Variants in NOTCH4 observed in about 807,000 individuals in gnomAD.
The protein encoded by NOTCH4 is neurogenic locus notch homolog protein 4.
In NOTCH4, 138 loss-of-function variants were observed where a neutral mutation model predicts 189.0. That is an observed-to-expected ratio of 0.73 (90% CI 0.64 to 0.84). The LOEUF (loss-of-function observed/expected upper bound fraction) is 0.84. Ranked by LOEUF, NOTCH4 falls within the 40% of genes least tolerant of loss-of-function variation. NOTCH4 has a pLI of 0.00. For synonymous variants in NOTCH4, 942 were observed against 1,032.8 expected, an observed-to-expected ratio of 0.91 and a Z score of 1.69; for missense variants, 2,286 against 2,605.4, an observed-to-expected ratio of 0.88 and a Z score of 2.67.
chr6:32,202,020 C>T lies in NOTCH4; in HGVS notation c.3755+56G>A. 7.1e-7 allele frequency: 1 copy of T among 1,408,984 alleles called. No homozygotes were observed. 87.3% of individuals were successfully genotyped at this position (1,408,984 alleles called of 1,614,324 possible). ...GTAACTCAGAGCCATCTACGTCCTT[C>T]CTCCTCCTCTCACCCACCCCTCTCC... On this transcript the variant is annotated intron_variant, in intron 21 of 29. Transcript: ENST00000375023. This position sits in a 1 kb window ranked among gnomAD's most constrained non-coding sequence, Gnocchi z 5.7.
In NOTCH4 at chr6:32,198,595, TG is replaced by T; in HGVS notation, c.4618-37del. The T allele has an allele frequency of 6.2e-7, 1 of 1,611,330 alleles. No individual in the cohort carries two copies. The highest frequency in any genetic ancestry group is 8.5e-7 in the Non-Finnish European group (1 of 1,178,880). ...CAGCAAGGATCAGTGAAGGTTGATT[TG>T]CCCTTTCATCCCTTCCATCACCTCC... On this transcript the variant is annotated intron_variant, in intron 25 of 29. Transcript: ENST00000375023. This position sits in a 1 kb window ranked among gnomAD's most constrained non-coding sequence, Gnocchi z 5.5.
At chr6:32,213,412 G>C (rs1336634604) in intron 14 of NOTCH4, among the ~76,000 whole-genome samples, 160 bp from the exon 15 acceptor site, 1 of 151,572 alleles carries the variant, frequency 6.6e-6, no homozygotes. Flanking sequence ...ATTGTTTTTA[G>C]ATAGGGTCTT....
In NOTCH4 at chr6:32,202,182, G is replaced by A. The variant is rs1205156643; in HGVS notation, c.3649C>T (p.His1217Tyr). The A allele has an allele frequency of 2.6e-6, 4 of 1,525,336 alleles. No individual in the cohort carries two copies. The highest frequency in any genetic ancestry group is 3.5e-6 in the Non-Finnish European group (4 of 1,136,640). 94.5% of individuals were successfully genotyped at this position (1,525,336 alleles called of 1,614,324 possible). A position where few individuals can be genotyped will look rare whatever the true frequency, so the allele number is the denominator to read the frequency against. Residue 1217 changes from histidine (H) to tyrosine (Y), a missense_variant, in exon 21 of 30, where the codon CAC becomes TAC. Physicochemically the swap from His to Tyr is moderately conservative, Grantham distance 83. Around this residue, in one of 2 missense-constraint regions of NOTCH4, gnomAD observed 1,903 missense variants for 2,261.9 expected, o/e 0.84. Transcript: ENST00000375023. This position sits in a 1 kb window ranked among gnomAD's most constrained non-coding sequence, Gnocchi z 5.7. ...CGGAAGAGAAGCCAGCACCGAGAGTGGGAGGGGCAGCCCTTCCAGGGGTCT... is the reference window on the plus strand; with the variant it reads ...CGGAAGAGAAGCCAGCACCGAGAGTAGGAGGGGCAGCCCTTCCAGGGGTCT... ...VPDPWKGCPSHSRCWLLFRDG... is the reference protein window; with the variant it reads ...VPDPWKGCPSYSRCWLLFRDG...
Position 32,200,859 on chromosome 6 carries a change from C to T in NOTCH4, c.4287G>A (p.Leu1429=). Residue 1429 remains leucine, a synonymous_variant, in exon 23 of 30, where the codon CTG becomes CTA. Coordinates refer to ENST00000375023, the MANE Select transcript of NOTCH4 (RefSeq NM_004557.4). The surrounding 1 kb of genome is among the most constrained non-coding windows in gnomAD (Gnocchi z 5.0). ...GALEPLLPGP[L]LAVHPHAGTA... ...TCCCTGCATGAGGGTGGACAGCCAG[C>T]AGTGGTCCAGGCAGCAGGGGCTCCA... 2 of 1,607,870 alleles carry T rather than the reference C, an allele frequency of 1.2e-6. No homozygotes were observed. Among genetic ancestry groups the T allele is most frequent in the Non-Finnish European group, 1.7e-6 (2 of 1,177,712 alleles).
Position 32,212,699 on chromosome 6 carries a change from C to T in NOTCH4, c.2527-72G>A, listed in dbSNP as rs1789102144. ...CAGCCCAGAGATGGTCCTCTGCCCA[C>T]TCCAGCTCCTCGAAATCCCTTACTT... On this transcript the variant is annotated intron_variant, in intron 16 of 29. Coordinates refer to ENST00000375023, the MANE Select transcript of NOTCH4 (RefSeq NM_004557.4). This position sits in a 1 kb window ranked among gnomAD's most constrained non-coding sequence, Gnocchi z 4.4. 1 of 1,527,022 alleles carries T rather than the reference C, an allele frequency of 6.5e-7. No individual in the cohort carries two copies. The highest frequency in any genetic ancestry group is 2.3e-5 in the East Asian group (1 of 44,160). 94.6% of individuals were successfully genotyped at this position (1,527,022 alleles called of 1,614,324 possible).
rs17201763 is a variant in NOTCH4, at chr6:32,217,469, T to G, written c.1625-203A>C. Among the ~76,000 whole-genome samples the G allele has an allele frequency of 0.03, 4,527 of 152,258 alleles. 101 individuals are homozygous for G. Among genetic ancestry groups the G allele is most frequent in the Non-Finnish European group, 0.043 (2,944 of 68,000 alleles). ...AGCTGTGTGACTTTGGGCAAGCTGG[T>G]CAACCCTCTAGGCCCCAGTTTCCTG... On this transcript the variant is annotated intron_variant, in intron 9 of 29. Coordinates refer to ENST00000375023, the MANE Select transcript of NOTCH4 (RefSeq NM_004557.4). This position sits in a 1 kb window ranked among gnomAD's most constrained non-coding sequence, Gnocchi z 4.2.
intron 18 of NOTCH4, among the ~76,000 whole-genome samples, chr6:32,206,251 A>C (rs1788673545): frequency 6.6e-6 from 1 of 152,132 alleles, no homozygotes; most frequent in Non-Finnish European, 1.5e-5. Context: ...AGGGCATCCA[A>C]ATTGCAAAAG....
At chr6:32,207,773 A>G (rs1362827027) in intron 18 of NOTCH4, among the ~76,000 whole-genome samples, 2 of 151,988 alleles carry the variant, frequency 1.3e-5, no homozygotes, top group Non-Finnish European at 2.9e-5. Context: ...TCACACCTGT[A>G]ATCCTCAAAC....
chr6:32,204,234 C>T lies in NOTCH4; in HGVS notation c.3021G>A (p.Val1007=), dbSNP rs763516203. The change falls in exon 19 of 30, where the codon GTG becomes GTA. Residue 1007 remains valine (V), a synonymous_variant. Transcript: ENST00000375023. The part of the protein sequence containing the change: ...GFVGLRCEGD[V]DECLDQPCHP... The stretch of plus-strand genomic sequence containing the variant: ...GGCAGGGCTGGTCCAGACACTCGTC[C>T]ACGTCTCCCTCACAGCGTAGCCCCA... 1.2e-6 allele frequency: 2 copies of T among 1,613,022 alleles called. No individual in the cohort carries two copies. Among genetic ancestry groups the T allele is most frequent in the Non-Finnish European group, 1.7e-6 (2 of 1,180,024 alleles).
chr6:32,202,661 A>G lies in NOTCH4; in HGVS notation c.3232-62T>C, dbSNP rs1166105321. 2.7e-6 allele frequency: 4 copies of G among 1,462,404 alleles called. No individual in the cohort carries two copies. The highest frequency in any genetic ancestry group is 9.1e-7 in the Non-Finnish European group (1 of 1,095,354). The allele number at this position is 1,462,404 out of a possible 1,614,324, so 90.6% of individuals were successfully genotyped here. A position where few individuals can be genotyped will look rare whatever the true frequency, so the allele number is the denominator to read the frequency against. ...GCATTATTCTTCCCGCTCTCCATCA[A>G]GCAAACTCTTGGGTTAAGACGGTGC... On this transcript the variant is annotated intron_variant, in intron 20 of 29. Coordinates refer to ENST00000375023, the MANE Select transcript of NOTCH4 (RefSeq NM_004557.4). The surrounding 1 kb of genome is among the most constrained non-coding windows in gnomAD (Gnocchi z 5.7).
Position 32,222,609 on chromosome 6 carries a change from A to G in NOTCH4, c.353T>C (p.Leu118Pro), listed in dbSNP as rs1364911372. The G allele has an allele frequency of 6.2e-7, 1 of 1,603,256 alleles. No individual in the cohort carries two copies. Among genetic ancestry groups the G allele is most frequent in the Non-Finnish European group, 8.5e-7 (1 of 1,176,778 alleles). ...GFTGERCQAKLEDPCPPSFCS... is the reference protein window; with the variant it reads ...GFTGERCQAKPEDPCPPSFCS... ...GAAGGAGGGAGGACAAGGGTCTTCA[A>G]GCTTGGCCTGGCATCTCTCACCAGT... Residue 118 changes from leucine (L) to proline (P), a missense_variant, in exon 3 of 30, where the codon CTT (leucine) becomes CCT (proline). This residue lies in a region of NOTCH4 where 1,903 missense variants were observed against 2,261.9 expected (regional missense o/e 0.84). Coordinates refer to ENST00000375023, the MANE Select transcript of NOTCH4 (RefSeq NM_004557.4).
chr6:32,203,870 T>A lies in NOTCH4; in HGVS notation c.3131A>T (p.Glu1044Val). Residue 1044 changes from glutamate to valine, a missense_variant, in exon 20 of 30, where the codon GAG becomes GTG. Coordinates refer to ENST00000375023, the MANE Select transcript of NOTCH4 (RefSeq NM_004557.4). ...GCTGTGGCAGGGGTCTATCTCCACC[T>A]CACACCACTGGCCTGTAATTATGGG... Reference protein sequence around the residue: ...CLPGHTGQWCEVEIDPCHSQP... With the variant: ...CLPGHTGQWCVVEIDPCHSQP... 6.4e-7 allele frequency: 1 copy of A among 1,556,100 alleles called. No homozygotes were observed. The highest frequency in any genetic ancestry group is 1.2e-5 in the South Asian group (1 of 84,476).
rs756922690 is a variant in NOTCH4 at position 32,221,230 on chromosome 6, G to A, written c.547C>T (p.Pro183Ser). The change falls in exon 4 of 30, where the codon CCA becomes TCA. Residue 183 changes from proline (P) to serine (S), a missense_variant. Physicochemically the swap from Pro to Ser is moderately conservative, Grantham distance 74 (BLOSUM62 -1). Coordinates refer to ENST00000375023, the MANE Select transcript of NOTCH4 (RefSeq NM_004557.4). This position sits in a 1 kb window ranked among gnomAD's most constrained non-coding sequence, Gnocchi z 4.3. ...ATYPQIQCHC[P>S]PGFEGHACER... The stretch of plus-strand genomic sequence containing the variant: ...CAGGCATGGCCCTCGAAGCCCGGTG[G>A]GCAGTGGCACTGGATCTGGGGGTAT... 6.2e-7 allele frequency: 1 copy of A among 1,613,124 alleles called. No homozygotes were observed. The highest frequency in any genetic ancestry group is 1.1e-5 in the South Asian group (1 of 91,084).
Position 32,210,801 on chromosome 6 carries a change from C to T in NOTCH4, c.2816G>A (p.Cys939Tyr). 1 of 1,613,034 alleles carries T rather than the reference C, an allele frequency of 6.2e-7. No homozygotes were observed. Among genetic ancestry groups the T allele is most frequent in the Non-Finnish European group, 8.5e-7 (1 of 1,180,034 alleles). ...DHVNPCESRPCQNGATCMAQP... is the reference protein window; with the variant it reads ...DHVNPCESRPYQNGATCMAQP... ...GGCCATGCAGGTGGCCCCGTTCTGG[C>T]AAGGCCTGGACTCACATGGGTTCAC... The change falls in exon 18 of 30, where the codon TGC becomes TAC. Residue 939 changes from cysteine to tyrosine, a missense_variant. Transcript: ENST00000375023. This position sits in a 1 kb window ranked among gnomAD's most constrained non-coding sequence, Gnocchi z 4.8.
rs1180095118 is a variant in NOTCH4, at chr6:32,210,959, A to T, written c.2681-23T>A. The T allele has an allele frequency of 6.5e-7, 1 of 1,548,050 alleles. No homozygotes were observed. The highest frequency in any genetic ancestry group is 1.3e-5 in the South Asian group (1 of 79,908). ...TGCCTGGGGAGAGAGACAAACAGGG[A>T]TATACAAAGATAAGTGGGGGGCCGG... On this transcript the variant is annotated intron_variant, in intron 17 of 29. Transcript: ENST00000375023. This position sits in a 1 kb window ranked among gnomAD's most constrained non-coding sequence, Gnocchi z 4.8.
At position 32,221,290 on chromosome 6, in the gene NOTCH4, T is replaced by G; in HGVS notation, c.487A>C (p.Asn163His). 6.2e-7 allele frequency: 1 copy of G among 1,612,990 alleles called. No individual in the cohort carries two copies. Residue 163 changes from asparagine (N) to histidine (H), a missense_variant, in exon 4 of 30, where the codon AAC becomes CAC. Around this residue, in one of 2 missense-constraint regions of NOTCH4, gnomAD observed 1,903 missense variants for 2,261.9 expected, o/e 0.84. Coordinates refer to ENST00000375023, the MANE Select transcript of NOTCH4 (RefSeq NM_004557.4). This position sits in a 1 kb window ranked among gnomAD's most constrained non-coding sequence, Gnocchi z 4.3. ...CACACCCCTCCATTAACACATGGGT[T>G]GGCTGAACAGAAGTCCCGAAGCTGG... ...QCQLRDFCSA[N>H]PCVNGGVCLA... is the part of the protein sequence containing the mutation.
rs909025773 is a variant in NOTCH4, at chr6:32,217,931, G to A, written c.1624+64C>T. 2.8e-6 allele frequency: 3 copies of A among 1,084,464 alleles called. No homozygotes were observed. Among genetic ancestry groups the A allele is most frequent in the African/African-American group, 3.1e-5 (2 of 64,626 alleles). 67.2% of individuals were successfully genotyped at this position (1,084,464 alleles called of 1,614,324 possible). On this transcript the variant is annotated intron_variant, in intron 9 of 29. Coordinates refer to ENST00000375023, the MANE Select transcript of NOTCH4 (RefSeq NM_004557.4). This position sits in a 1 kb window ranked among gnomAD's most constrained non-coding sequence, Gnocchi z 4.2. ...TCAAGTGGCCTTGGGTGATTGCTGA[G>A]CCTGAACTCTGCAGGTTCAGAGGCC...
At position 32,202,900 on chromosome 6, in the gene NOTCH4, A is replaced by G. The variant is rs933126246; in HGVS notation, c.3232-301T>C. On this transcript the variant is annotated intron_variant, in intron 20 of 29. Transcript: ENST00000375023. This position sits in a 1 kb window ranked among gnomAD's most constrained non-coding sequence, Gnocchi z 5.7. Reference sequence around the variant, plus strand: ...ACTAAACAGTTAATAGAATGCTATTATATTATTATTATTATTATTTTTGAG... The same window carrying G: ...ACTAAACAGTTAATAGAATGCTATTGTATTATTATTATTATTATTTTTGAG... 1 of 277,676 alleles carries G rather than the reference A, an allele frequency of 3.6e-6. No homozygotes were observed. The highest frequency in any genetic ancestry group is 2.2e-5 in the African/African-American group (1 of 45,764). 17.2% of individuals were successfully genotyped at this position (277,676 alleles called of 1,614,324 possible).
chr6:32,222,782 C>A lies in NOTCH4; in HGVS notation c.180G>T (p.Glu60Asp), dbSNP rs1327311752. The A allele has an allele frequency of 1.2e-6, 2 of 1,610,694 alleles. No homozygotes were observed. Among genetic ancestry groups the A allele is most frequent in the South Asian group, 2.2e-5 (2 of 90,756 alleles). ...TCQCAPGFLGETCQFPDPCQN... is the reference protein window; with the variant it reads ...TCQCAPGFLGDTCQFPDPCQN... ...GGCAGGGGTCAGGAAACTGGCACGT[C>A]TCACCCAGGAAGCCAGGGGCACACC... The change falls in exon 3 of 30, where the codon GAG becomes GAT. Residue 60 changes from glutamate to aspartate, a missense_variant. This residue lies in a region of NOTCH4 where 1,903 missense variants were observed against 2,261.9 expected (regional missense o/e 0.84). Coordinates refer to ENST00000375023, the MANE Select transcript of NOTCH4 (RefSeq NM_004557.4).
Sources: gnomAD v4.1 joint callset for allele counts (sites outside exome capture counted in the v4.1 genomes callset) on GRCh38, gnomAD v4.1.1 for gene constraint, gnomAD v4.1.1 regional missense constraint, Gnocchi (gnomAD v3.1) non-coding constraint, MANE v1.5 for transcripts, NCBI Gene and HGNC (gene_info 2026-07-23, HGNC 2026-07-21) for gene names.